Variants in TMEM132D observed in about 807,000 individuals in gnomAD.
TMEM132D encodes transmembrane protein 132D, also known as mature OL transmembrane protein.
In TMEM132D, 21 loss-of-function variants were observed where a neutral mutation model predicts 62.3. That is an observed-to-expected ratio of 0.34 (90% CI 0.24 to 0.49). The LOEUF (loss-of-function observed/expected upper bound fraction) is 0.49, where lower values mean the gene tolerates loss of function less well. Among genes scored for constraint, TMEM132D ranks in the 20% least tolerant of loss-of-function variants. The pLI is 0.99. For missense variants in TMEM132D, 1,346 were observed against 1,402.8 expected (o/e 0.96, Z 0.65); for synonymous variants, 621 against 575.6 (o/e 1.08, Z -1.13).
intron 3 of TMEM132D, among the ~76,000 whole-genome samples, chr12:129,380,596 G>A (rs1262197629): frequency 6.6e-6 from 1 of 151,812 alleles, no homozygotes; most frequent in Non-Finnish European, 1.5e-5. Context: ...TCTCTATTTA[G>A]TTCTATACCA....
At chr12:129,898,362 G>C (rs544876831) in intron 1 of TMEM132D, among the ~76,000 whole-genome samples, 58 of 152,252 alleles carry the variant, frequency 3.8e-4, no homozygotes, top group Middle Eastern at 6.8e-3. Context: ...TTGTCCCCTA[G>C]AAGAACTTAA....
intron 2 of TMEM132D, among the ~76,000 whole-genome samples, chr12:129,654,997 G>C (rs1392859466): frequency 1.3e-5 from 2 of 151,928 alleles, no homozygotes; most frequent in East Asian, 3.9e-4. Flanking sequence ...GCCCAGGCTG[G>C]AGTGCAGTGG....
At chr12:129,276,504 G>A (rs1030136737) in intron 4 of TMEM132D, among the ~76,000 whole-genome samples, 1 of 152,136 alleles carries the variant, frequency 6.6e-6, no homozygotes, top group Non-Finnish European at 1.5e-5. Flanking sequence ...CTGTTTGTGC[G>A]GAATTATCCA....
At chr12:129,549,633 CA>C (rs1040677075) in intron 2 of TMEM132D, among the ~76,000 whole-genome samples, 7 of 152,276 alleles carry the variant, frequency 4.6e-5, no homozygotes, top group Non-Finnish European at 7.3e-5. Flanking sequence ...ATAAATTACC[CA>C]GTCGCAGGTA....
At chr12:129,223,440 C>A (rs1336431697) in intron 4 of TMEM132D, among the ~76,000 whole-genome samples, 2 of 152,148 alleles carry the variant, frequency 1.3e-5, no homozygotes, top group Non-Finnish European at 2.9e-5. Flanking sequence ...CGGTATCCCC[C>A]ACAGCAGATG....
chr12:129,260,978 T>G (rs1373684085), intron 4 of TMEM132D, among the ~76,000 whole-genome samples: 4 of 152,208 alleles, frequency 2.6e-5, no homozygotes, highest in Non-Finnish European at 5.9e-5. Flanking sequence ...AACATGCATA[T>G]GCATCTATCT....
chr12:129,429,902 G>A (rs1357146553), intron 3 of TMEM132D, among the ~76,000 whole-genome samples: 1 of 151,890 alleles, frequency 6.6e-6, no homozygotes, highest in Non-Finnish European at 1.5e-5. Context: ...TCCCTACAAA[G>A]GACATGAACT....
In TMEM132D at chr12:129,658,302, T is replaced by C. The variant is rs539015147; in HGVS notation, c.968+41508A>G. Reference sequence around the variant, plus strand: ...ACTTAGATAAAGTAACCTAGAAATGTCTTAGATATTTCTTCTTTCATTTCT... The same window carrying C: ...ACTTAGATAAAGTAACCTAGAAATGCCTTAGATATTTCTTCTTTCATTTCT... On this transcript the variant is annotated intron_variant, in intron 2 of 8. Transcript: ENST00000422113. Among the ~76,000 whole-genome samples the C allele has an allele frequency of 5.9e-5, 9 of 152,268 alleles. 1 individual carries two copies. The South Asian group carries it at 1.9e-3, about 32-fold the overall frequency.
chr12:129,201,467 C>A (rs1011486932), intron 5 of TMEM132D, among the ~76,000 whole-genome samples: 8 of 152,132 alleles, frequency 5.3e-5, no homozygotes, highest in African/African-American at 1.9e-4. Context: ...CCTGGGGGAC[C>A]CTACTCCCCA....
In TMEM132D at chr12:129,827,126, C is replaced by T. The variant is rs1286911698; in HGVS notation, c.79+76135G>A. ...GCAATTTAACATCTCATAACAATCA[C>T]TCTTAATAATAGCAATTAATAATTA... On this transcript the variant is annotated intron_variant, in intron 1 of 8. Transcript: ENST00000422113. The surrounding 1 kb of genome is among the most constrained non-coding windows in gnomAD (Gnocchi z 9.7). Among the ~76,000 whole-genome samples the T allele has an allele frequency of 1.3e-5, 2 of 152,194 alleles. No individual in the cohort carries two copies. Among genetic ancestry groups the T allele is most frequent in the Non-Finnish European group, 2.9e-5 (2 of 68,040 alleles).
intron 2 of TMEM132D, among the ~76,000 whole-genome samples, chr12:129,532,788 A>G (rs747697620): frequency 9.9e-5 from 15 of 152,012 alleles, no homozygotes; most frequent in Non-Finnish European, 1.8e-4. Flanking sequence ...AAAACCCTGA[A>G]CTCCTGGGCT....
intron 4 of TMEM132D, among the ~76,000 whole-genome samples, chr12:129,226,368 C>T (rs1386641064): frequency 1.3e-5 from 2 of 152,236 alleles, no homozygotes; most frequent in Non-Finnish European, 2.9e-5. Flanking sequence ...CCTACCTATG[C>T]ATGTGGGTTT....
chr12:129,842,864 G>A (rs1411210086), intron 1 of TMEM132D, among the ~76,000 whole-genome samples: 1 of 152,110 alleles, frequency 6.6e-6, no homozygotes, highest in Non-Finnish European at 1.5e-5. Context: ...GAGTCATCCT[G>A]TTTGCTTTTG....
intron 3 of TMEM132D, among the ~76,000 whole-genome samples, chr12:129,375,138 T>C (rs1053351996): frequency 2.6e-5 from 4 of 152,210 alleles, no homozygotes; most frequent in African/African-American, 9.6e-5. Flanking sequence ...TTATTTCACA[T>C]CATTTCTTCC....
intron 4 of TMEM132D, among the ~76,000 whole-genome samples, chr12:129,248,226 C>A (rs181008509): frequency 3.1e-4 from 47 of 152,218 alleles, no homozygotes; most frequent in Non-Finnish European, 1.8e-4. Flanking sequence ...ATGCTGAAAC[C>A]GTGTCATAGG....
intron 2 of TMEM132D, among the ~76,000 whole-genome samples, chr12:129,591,658 AAATAAT>A (rs898519566): frequency 4.6e-5 from 7 of 151,976 alleles, no homozygotes; most frequent in Admixed American, 6.6e-5. Context: ...TGATAGCAAA[AAATAAT>A]AATAATAAAG....
intron 2 of TMEM132D, among the ~76,000 whole-genome samples, chr12:129,667,376 G>A (rs535668410): frequency 3.3e-5 from 5 of 152,056 alleles, no homozygotes; most frequent in African/African-American, 7.2e-5. Flanking sequence ...TTCTCCTTTG[G>A]TTAAATGGCA....
intron 2 of TMEM132D, among the ~76,000 whole-genome samples, chr12:129,542,840 T>A (rs930623604): frequency 6.6e-6 from 1 of 152,136 alleles, no homozygotes; most frequent in African/African-American, 2.4e-5. Context: ...ACCTTTTCTA[T>A]GTTTACATAT....
chr12:129,561,353 T>C (rs1877222054), intron 2 of TMEM132D, among the ~76,000 whole-genome samples: 2 of 152,232 alleles, frequency 1.3e-5, no homozygotes, highest in South Asian at 4.1e-4. Context: ...CAGCAAGCAC[T>C]GCTTTTCACT....
Sources: allele counts gnomAD v4.1 joint callset (sites outside exome capture counted in the v4.1 genomes callset), GRCh38; gene constraint gnomAD v4.1.1; non-coding constraint Gnocchi (gnomAD v3.1); transcripts MANE v1.5; gene names NCBI Gene and HGNC (gene_info 2026-07-23, HGNC 2026-07-21).